NFATC2: variants seen among roughly 807,000 people sequenced by gnomAD.
NFATC2 encodes nuclear factor of activated T-cells, cytoplasmic 2.
NFATC2 carries 22 observed loss-of-function variants against 87.3 expected under a neutral mutation model. The ratio of observed to expected loss-of-function variants is 0.25; its 90% confidence interval spans 0.18 to 0.36. The LOEUF (loss-of-function observed/expected upper bound fraction) is 0.36, where lower values mean the gene tolerates loss of function less well. NFATC2 is among the 10% of genes least tolerant of loss of function. The probability of loss-of-function intolerance (pLI) is 1.00; values close to 1 mark genes in which losing one functional copy is unlikely to be tolerated. For synonymous variants in NFATC2, 565 were observed against 542.2 expected (o/e 1.04, Z -0.58); for missense variants, 1,149 against 1,259.1 (o/e 0.91, Z 1.32).
At position 51,435,096 on chromosome 20, in the gene NFATC2, A is replaced by G. The variant is rs993049772; in HGVS notation, c.2032+92T>C. On this transcript the variant is annotated intron_variant, in intron 8 of 10. Coordinates refer to ENST00000371564, the MANE Select transcript of NFATC2 (RefSeq NM_012340.5). Reference sequence around the variant, plus strand: ...CAGAGAGGTTGAGTCATCTGTCCAAAGTTACCCGGCTAGGAGCAGACTTCA... The same window carrying G: ...CAGAGAGGTTGAGTCATCTGTCCAAGGTTACCCGGCTAGGAGCAGACTTCA... 4 of 1,520,572 alleles carry G rather than the reference A, an allele frequency of 2.6e-6. No individual in the cohort carries two copies. In the African/African-American group the frequency reaches 4.2e-5, roughly 16 times the overall value. The allele number at this position is 1,520,572 out of a possible 1,614,324, so 94.2% of individuals were successfully genotyped here.
chr20:51,415,955 G>A (rs1334452144), intron 9 of NFATC2, among the ~76,000 whole-genome samples: 2 of 152,152 alleles, frequency 1.3e-5, no homozygotes, highest in South Asian at 2.1e-4. Flanking sequence ...GAAAACAGTA[G>A]GAGTTTAAAA....
intron 6 of NFATC2, chr20:51,452,758 C>A (rs1985959444): frequency 6.5e-6 from 1 of 152,682 alleles, no homozygotes; most frequent in Admixed American, 6.5e-5. Context: ...TCCACAGCAG[C>A]TCCAGAAAAA....
intron 1 of NFATC2, among the ~76,000 whole-genome samples, chr20:51,529,279 T>A (rs1449868365): frequency 6.6e-6 from 1 of 151,936 alleles, no homozygotes; most frequent in African/African-American, 2.4e-5. Context: ...CCCTAGGAGC[T>A]CTGAAAAACA....
chr20:51,461,759 C>T (rs1451975266), intron 5 of NFATC2, among the ~76,000 whole-genome samples: 4 of 152,230 alleles, frequency 2.6e-5, no homozygotes, highest in African/African-American at 9.6e-5. Flanking sequence ...ACGATCTATC[C>T]AAGAACCTCA....
intron 5 of NFATC2, among the ~76,000 whole-genome samples, chr20:51,472,690 C>T (rs187442987): frequency 1.2e-3 from 155 of 130,582 alleles, no homozygotes; most frequent in African/African-American, 4.3e-3. Flanking sequence ...GGCTGGAGGG[C>T]AGTGGTGCGA....
At chr20:51,501,635 C>A (rs1026014906) in intron 3 of NFATC2, among the ~76,000 whole-genome samples, 2 of 152,194 alleles carry the variant, frequency 1.3e-5, no homozygotes, top group African/African-American at 2.4e-5. Flanking sequence ...AGCATCCTCA[C>A]CACTTCCCAG....
Position 51,561,389 on chromosome 20 carries a change from GAA to G in NFATC2, c.70+1169_70+1170del, listed in dbSNP as rs1283978988. Among the ~76,000 whole-genome samples the G allele has an allele frequency of 5.0e-3, 690 of 138,664 alleles. 17 individuals are homozygous for G. Among genetic ancestry groups the G allele is most frequent in the African/African-American group, 0.018 (638 of 35,930 alleles). 91.0% of individuals were successfully genotyped at this position (138,664 alleles called of 152,430 possible). A position where few individuals can be genotyped will look rare whatever the true frequency, so the allele number is the denominator to read the frequency against. ...AAGAAAGAGAGAGAAAAGAAAGAAA[GAA>G]AGAGAGAGAAAGAAAAGAAAGAAAG... On this transcript the variant is annotated intron_variant, in intron 1 of 10. Transcript: ENST00000414705.
intron 1 of NFATC2, among the ~76,000 whole-genome samples, chr20:51,535,312 C>T (rs2076701902): frequency 6.6e-6 from 1 of 152,240 alleles, no homozygotes; most frequent in South Asian, 2.1e-4. Flanking sequence ...CTCCGACCAG[C>T]CACCTCTGCG....
intron 9 of NFATC2, among the ~76,000 whole-genome samples, chr20:51,403,345 T>C (rs1988243729): frequency 6.6e-6 from 1 of 152,206 alleles, no homozygotes; most frequent in African/African-American, 2.4e-5. Flanking sequence ...CACGTACTGC[T>C]ATCATCTCAA....
Position 51,416,879 on chromosome 20 carries a change from G to A in NFATC2, c.2722+15188C>T, listed in dbSNP as rs116285459. On this transcript the variant is annotated intron_variant, in intron 9 of 10. Coordinates refer to ENST00000371564, the MANE Select transcript of NFATC2 (RefSeq NM_012340.5). ...AGAGGGACAGTAGGGGCAGTAGCAA[G>A]AATTCACTTTAGCGCTGGTTGAATG... Among the ~76,000 whole-genome samples, 555 of 152,306 alleles carry A rather than the reference G, an allele frequency of 3.6e-3. 5 individuals carry two copies. The highest frequency in any genetic ancestry group is 0.013 in the African/African-American group (535 of 41,564).
At position 51,480,959 on chromosome 20, in the gene NFATC2, T is replaced by C. The variant is rs1363261781; in HGVS notation, c.1333-5299A>G. ...CTCCCATATGGGAAAGCCCAGGCACTAATTGCAGTCTTCTCAGTGGGCTGG... is the reference window on the plus strand; with the variant it reads ...CTCCCATATGGGAAAGCCCAGGCACCAATTGCAGTCTTCTCAGTGGGCTGG... On this transcript the variant is annotated intron_variant, in intron 3 of 10. Transcript: ENST00000371564. This position sits in a 1 kb window ranked among gnomAD's most constrained non-coding sequence, Gnocchi z 4.2. 6.6e-6 allele frequency among the ~76,000 whole-genome samples: 1 copy of C among 152,160 alleles called. No individual in the cohort carries two copies. Among genetic ancestry groups the C allele is most frequent in the Admixed American group, 6.5e-5 (1 of 15,282 alleles).
At chr20:51,457,456 G>A (rs966331422) in intron 5 of NFATC2, among the ~76,000 whole-genome samples, 34 of 152,234 alleles carry the variant, frequency 2.2e-4, no homozygotes, top group Non-Finnish European at 4.4e-4. Context: ...ACTGCACGCT[G>A]CTGTGAACAC....
intron 1 of NFATC2, among the ~76,000 whole-genome samples, chr20:51,548,380 T>G (rs986468675): frequency 3.3e-5 from 5 of 152,234 alleles, no homozygotes; most frequent in African/African-American, 1.2e-4. Context: ...CTATGGTGTA[T>G]TTTATTCATA....
chr20:51,561,362 G>A (rs534451038), intron 1 of NFATC2, among the ~76,000 whole-genome samples: 2 of 119,922 alleles, frequency 1.7e-5, no homozygotes, highest in African/African-American at 3.1e-5. Flanking sequence ...AGAAAGAAAA[G>A]AAAGAAAGAG....
Position 51,526,805 on chromosome 20 carries a change from G to A in NFATC2, c.131-2695C>T, listed in dbSNP as rs370140728. On this transcript the variant is annotated intron_variant, in intron 1 of 10. Coordinates refer to ENST00000371564, the MANE Select transcript of NFATC2 (RefSeq NM_012340.5). ...TCTTAGGTAAAAATAAATGACCCCC[G>A]CCAGGCAGCCTGGCTGGGCCCTGCC... 3.3e-5 allele frequency among the ~76,000 whole-genome samples: 5 copies of A among 152,076 alleles called. No homozygotes were observed. In the East Asian group the frequency reaches 5.8e-4, roughly 18 times the overall value.
chr20:51,398,751 C>A, intron 9 of NFATC2, 21 bp from the exon 10 acceptor site: 1 of 1,526,010 alleles, frequency 6.6e-7, no homozygotes. Context: ...TTTGCAAAAT[C>A]ATTTTTGAGA....
chr20:51,446,623 C>T (rs901592702), intron 6 of NFATC2, among the ~76,000 whole-genome samples: 8 of 152,318 alleles, frequency 5.3e-5, no homozygotes, highest in Non-Finnish European at 1.0e-4. Context: ...TGGATGCAAA[C>T]GGAATGAACT....
chr20:51,496,123 G>T (rs2075984371), intron 3 of NFATC2, among the ~76,000 whole-genome samples: 1 of 152,110 alleles, frequency 6.6e-6, no homozygotes. Context: ...GGGCCTAGTG[G>T]TGCTGAGACC....
At position 51,523,394 on chromosome 20, in the gene NFATC2, C is replaced by T. The variant is rs774669305; in HGVS notation, c.847G>A (p.Val283Met). The T allele has an allele frequency of 1.9e-6, 3 of 1,609,934 alleles. No homozygotes were observed. The highest frequency in any genetic ancestry group is 1.7e-5 in the Admixed American group (1 of 59,630). Residue 283 changes from valine to methionine, a missense_variant, in exon 2 of 11, where the codon GTG becomes ATG. Physicochemically the swap from Val to Met is conservative, Grantham distance 21. Transcript: ENST00000371564. This position sits in a 1 kb window ranked among gnomAD's most constrained non-coding sequence, Gnocchi z 6.9. The stretch of plus-strand genomic sequence containing the variant: ...GGGGAGCCGTGGTCCTGGGGTGCCA[C>T]GTGAGATGAGGGCTGCGGCGAGGGG... ...RSPSPQPSSH[V>M]APQDHGSPAG...
Sources: gnomAD v4.1 joint callset for allele counts (sites outside exome capture counted in the v4.1 genomes callset) on GRCh38, gnomAD v4.1.1 for gene constraint, Gnocchi (gnomAD v3.1) non-coding constraint, MANE v1.5 for transcripts, NCBI Gene and HGNC (gene_info 2026-07-23, HGNC 2026-07-21) for gene names.